Variants in C12orf42 observed in about 807,000 individuals in gnomAD.
C12orf42 encodes uncharacterized protein C12orf42.
In C12orf42, 25 loss-of-function variants were observed where a neutral mutation model predicts 21.6. The ratio of observed to expected loss-of-function variants is 1.16; its 90% CI spans 0.84 to 1.62. The LOEUF (loss-of-function observed/expected upper bound fraction) is 1.62, where lower values mean the gene tolerates loss of function less well. Ranked by LOEUF, C12orf42 falls within the 40% of genes most tolerant of loss-of-function variation. C12orf42 has a pLI of 0.00. For synonymous variants in C12orf42, 174 were observed against 175.0 expected (o/e 0.99, Z 0.05); for missense variants, 483 against 459.3 (o/e 1.05, Z -0.47).
intron 4 of C12orf42, among the ~76,000 whole-genome samples, chr12:103,279,904 A>G (rs555644671): frequency 7.2e-5 from 11 of 152,324 alleles, no homozygotes; most frequent in African/African-American, 2.6e-4. Context: ...GTTTAGGCTA[A>G]TAACATGGGA....
chr12:103,077,591 T>A, the C12orf42 span, among the ~76,000 whole-genome samples: 9 of 152,098 alleles, frequency 5.9e-5, no homozygotes, highest in Admixed American at 5.9e-4. Context: ...CAGGCAGTGA[T>A]AAAGGTGAAG....
chr12:103,307,709 A>G (rs1482216557), intron 4 of C12orf42, among the ~76,000 whole-genome samples: 1 of 152,042 alleles, frequency 6.6e-6, no homozygotes, highest in Non-Finnish European at 1.5e-5. Flanking sequence ...AGGGAAGAAT[A>G]ATTCCCTAGA....
upstream of C12orf42, among the ~76,000 whole-genome samples, chr12:103,496,207 G>A (rs191031718): frequency 6.6e-6 from 1 of 152,310 alleles, no homozygotes; most frequent in East Asian, 1.9e-4. Flanking sequence ...GGATCCCGAT[G>A]TTTATCAAAA....
the C12orf42 span, among the ~76,000 whole-genome samples, chr12:103,140,835 C>T: frequency 1.3e-5 from 2 of 152,098 alleles, no homozygotes; most frequent in Non-Finnish European, 2.9e-5. Flanking sequence ...GGGAGACACA[C>T]ACACACAGAC....
chr12:103,292,407 C>T (rs1315591382), intron 4 of C12orf42, among the ~76,000 whole-genome samples: 2 of 151,694 alleles, frequency 1.3e-5, no homozygotes, highest in Non-Finnish European at 2.9e-5. Context: ...ATAAAGCTGT[C>T]AAAATAAATA....
At chr12:103,307,831 CTT>C (rs908343445) in intron 4 of C12orf42, among the ~76,000 whole-genome samples, 2 of 152,050 alleles carry the variant, frequency 1.3e-5, no homozygotes, top group African/African-American at 4.8e-5. Flanking sequence ...GCTGAGATCT[CTT>C]TTGGGGAGAG....
chr12:103,183,224 G>A, the C12orf42 span, among the ~76,000 whole-genome samples: 2 of 152,312 alleles, frequency 1.3e-5, no homozygotes, highest in East Asian at 3.9e-4. Context: ...TGGAACTACA[G>A]GCACATGCCA....
the C12orf42 span, among the ~76,000 whole-genome samples, chr12:103,097,407 A>G: frequency 1.3e-5 from 2 of 152,252 alleles, no homozygotes; most frequent in African/African-American, 2.4e-5. Flanking sequence ...GGATTCGAAT[A>G]TAAGAATATT....
chr12:103,321,880 G>A lies in C12orf42; in HGVS notation c.260-15535C>T, dbSNP rs188214473. Among the ~76,000 whole-genome samples, 848 of 151,998 alleles carry A rather than the reference G, an allele frequency of 5.6e-3. 4 individuals carry two copies. Among genetic ancestry groups the A allele is most frequent in the African/African-American group, 0.019 (802 of 41,442 alleles). ...GGGCCTGTTGTGGGGTGGGGGAAGG[G>A]GGGAGGGATAGCATTGGGAGATATA... On this transcript the variant is annotated intron_variant, in intron 4 of 5. Transcript: ENST00000548883.
the C12orf42 span, among the ~76,000 whole-genome samples, chr12:103,150,709 A>T: frequency 0.61 from 93,168 of 152,012 alleles, 30,468 homozygotes; most frequent in East Asian, 0.86. Flanking sequence ...TTTTGTTTCT[A>T]CTGAGAAAAT....
At chr12:103,083,839 C>T in the C12orf42 span, among the ~76,000 whole-genome samples, 3 of 152,072 alleles carry the variant, frequency 2.0e-5, no homozygotes, top group Non-Finnish European at 4.4e-5. Context: ...GTGATTTTGC[C>T]ACTTGGTGTG....
At chr12:103,267,443 TAC>T (rs2035226266), downstream of C12orf42, among the ~76,000 whole-genome samples, 1 of 152,126 alleles carries the variant, frequency 6.6e-6, no homozygotes, top group South Asian at 2.1e-4. Context: ...TATGTATACA[TAC>T]ATATACATAT....
chr12:103,198,905 G>C, the C12orf42 span, among the ~76,000 whole-genome samples: 1 of 152,098 alleles, frequency 6.6e-6, no homozygotes, highest in African/African-American at 2.4e-5. Context: ...TCTAGGTGGG[G>C]GCAGCTCTTC....
At chr12:103,327,957 GCA>G (rs2040862097) in intron 4 of C12orf42, among the ~76,000 whole-genome samples, 1 of 152,132 alleles carries the variant, frequency 6.6e-6, no homozygotes, top group Admixed American at 6.5e-5. Flanking sequence ...TTGTTATTTT[GCA>G]CTGAAAATTC....
chr12:103,416,934 T>C (rs1033701755), intron 2 of C12orf42, among the ~76,000 whole-genome samples: 1 of 152,184 alleles, frequency 6.6e-6, no homozygotes, highest in Non-Finnish European at 1.5e-5. Context: ...AATGGATTGA[T>C]GTAATTTTAT....
At chr12:103,525,361 G>C in the C12orf42 span, among the ~76,000 whole-genome samples, 1 of 146,036 alleles carries the variant, frequency 6.8e-6, no homozygotes, top group Non-Finnish European at 1.6e-5. Context: ...GAAGCTGAGT[G>C]ACAAATGCAT....
the C12orf42 span, among the ~76,000 whole-genome samples, chr12:103,210,585 T>C: frequency 6.6e-6 from 1 of 151,638 alleles, no homozygotes; most frequent in African/African-American, 2.4e-5. Flanking sequence ...TCATGAACAC[T>C]GTTCTTCTGC....
At chr12:103,080,251 G>A in the C12orf42 span, among the ~76,000 whole-genome samples, 1 of 152,160 alleles carries the variant, frequency 6.6e-6, no homozygotes, top group Non-Finnish European at 1.5e-5. Flanking sequence ...GGCGATAGAT[G>A]TGAAATCCTC....
At chr12:103,454,198 A>G (rs1952135897) in intron 2 of C12orf42, among the ~76,000 whole-genome samples, 1 of 152,022 alleles carries the variant, frequency 6.6e-6, no homozygotes, top group Non-Finnish European at 1.5e-5. Flanking sequence ...ATTTCTAGGC[A>G]TTTATTTCAG....
Sources: gnomAD v4.1 joint callset for allele counts (sites outside exome capture counted in the v4.1 genomes callset) on GRCh38, gnomAD v4.1.1 for gene constraint, MANE v1.5 for transcripts, NCBI Gene and HGNC (gene_info 2026-07-23, HGNC 2026-07-21) for gene names.